Variants in ZMYM4 observed in about 807,000 individuals in gnomAD.
The protein encoded by ZMYM4 is zinc finger MYM-type protein 4.
A neutral mutation model predicts 183.2 loss-of-function variants in ZMYM4; 31 were observed. The observed-to-expected ratio is 0.17, with a 90% CI of 0.13 to 0.23. The LOEUF is 0.23. Ranked by LOEUF, ZMYM4 falls within the 10% of genes least tolerant of loss-of-function variation. The pLI is 1.00. For synonymous variants in ZMYM4, 592 were observed against 631.2 expected (o/e 0.94, Z 0.93); for missense variants, 1,273 against 1,840.3 (o/e 0.69, Z 5.64).
At chr1:35,386,599 T>G (rs976740248) in intron 11 of ZMYM4, among the ~76,000 whole-genome samples, 1 of 152,194 alleles carries the variant, frequency 6.6e-6, no homozygotes, top group Admixed American at 6.5e-5. Flanking sequence ...GGGACACGAA[T>G]TCAAACCTAT....
rs1640254753 is a variant in ZMYM4 at position 35,419,576 on chromosome 1, A to G, written c.4546A>G (p.Thr1516Ala). 3 of 1,613,996 alleles carry G rather than the reference A, an allele frequency of 1.9e-6. No homozygotes were observed. In the East Asian group the frequency reaches 6.7e-5, roughly 36 times the overall value. Residue 1516 changes from threonine (T) to alanine (A), a missense_variant, in exon 30 of 30, where the codon ACC (threonine) becomes GCC (alanine). Thr to Ala is a moderately conservative substitution (Grantham distance 58). Transcript: ENST00000314607. ...CTCCACATTCCCGATAGACCCTGGAACCCTGGACACCATGTTAACACGTAT... is the reference window on the plus strand; with the variant it reads ...CTCCACATTCCCGATAGACCCTGGAGCCCTGGACACCATGTTAACACGTAT... ...WYSTFPIDPG[T>A]LDTMLTRILM...
intron 5 of ZMYM4, among the ~76,000 whole-genome samples, chr1:35,367,329 A>G (rs1021148832): frequency 8.6e-5 from 13 of 151,774 alleles, no homozygotes; most frequent in Non-Finnish European, 1.9e-4. Context: ...CCTGGGTTCA[A>G]GCGATTCTCC....
rs1257334440 is a variant in ZMYM4, at chr1:35,420,079, C to T, written c.*402C>T. 1.1e-5 allele frequency: 3 copies of T among 272,484 alleles called. No individual in the cohort carries two copies. Among genetic ancestry groups the T allele is most frequent in the Admixed American group, 4.7e-5 (1 of 21,278 alleles). 16.9% of individuals were successfully genotyped at this position (272,484 alleles called of 1,614,324 possible). On this transcript the variant is annotated 3_prime_UTR_variant, in exon 30 of 30. Transcript: ENST00000314607. ...GCAATAGGCTACTTTGGCAAGCCCT[C>T]CGTAAAAGTCAGAGGAGAGATCAGT... is the stretch of plus-strand genomic sequence containing the variant.
intron 26 of ZMYM4, among the ~76,000 whole-genome samples, chr1:35,413,290 T>C (rs764749197): frequency 2.6e-5 from 4 of 151,382 alleles, no homozygotes; most frequent in African/African-American, 7.4e-5. Flanking sequence ...AGTGATCCTC[T>C]CACCTTGGCC....
At chr1:35,378,829 T>C (rs1379572118) in intron 7 of ZMYM4, among the ~76,000 whole-genome samples, 1 of 152,234 alleles carries the variant, frequency 6.6e-6, no homozygotes, top group Non-Finnish European at 1.5e-5. Flanking sequence ...TAGATGTTCT[T>C]GATAACTTGC....
At chr1:35,333,138 T>A (rs1284971206) in intron 2 of ZMYM4, among the ~76,000 whole-genome samples, 2 of 152,230 alleles carry the variant, frequency 1.3e-5, no homozygotes, top group Admixed American at 1.3e-4. Context: ...TTAAAAAATA[T>A]TCTAAGCCAT....
chr1:35,331,797 CATAAATAA>C (rs56242648), intron 2 of ZMYM4, among the ~76,000 whole-genome samples: 7,394 of 140,610 alleles, frequency 0.053, 239 homozygotes, highest in South Asian at 0.072. Context: ...CTCAAAAATA[CATAAATAA>C]ATAAATAAAT....
chr1:35,369,924 A>C, intron 5 of ZMYM4, 105 bp from the exon 6 acceptor site: 1 of 699,284 alleles, frequency 1.4e-6, no homozygotes, highest in Non-Finnish European at 2.3e-6. Context: ...TGTTTTAAAC[A>C]TTTTCCACCT....
intron 1 of ZMYM4, among the ~76,000 whole-genome samples, chr1:35,272,374 T>C (rs1001529187): frequency 1.2e-4 from 19 of 152,256 alleles, no homozygotes; most frequent in Non-Finnish European, 2.6e-4. Flanking sequence ...TGTGCTTTGT[T>C]ACTTAGGGTC....
chr1:35,282,252 G>A (rs1180321024), intron 1 of ZMYM4, among the ~76,000 whole-genome samples: 1 of 152,120 alleles, frequency 6.6e-6, no homozygotes, highest in African/African-American at 2.4e-5. Flanking sequence ...TTGGATAGTG[G>A]GGACACTGCC....
rs77228943 is a variant in ZMYM4 at position 35,296,770 on chromosome 1, T to C, written c.39+27685T>C. Reference sequence around the variant, plus strand: ...AGTTTCATTCTGATCCAACCAGATATTCCCATTTGAAGTTTCAAGGTCCCA... The same window carrying C: ...AGTTTCATTCTGATCCAACCAGATACTCCCATTTGAAGTTTCAAGGTCCCA... On this transcript the variant is annotated intron_variant, in intron 1 of 29. Coordinates refer to ENST00000314607, the MANE Select transcript of ZMYM4 (RefSeq NM_005095.3). Among the ~76,000 whole-genome samples the C allele has an allele frequency of 9.9e-5, 15 of 152,276 alleles. No individual in the cohort carries two copies. The East Asian group carries it at 2.7e-3, about 27-fold the overall frequency.
intron 1 of ZMYM4, among the ~76,000 whole-genome samples, chr1:35,281,084 A>AC (rs983568017): frequency 1.3e-4 from 20 of 152,150 alleles, no homozygotes; most frequent in Non-Finnish European, 1.5e-5. Flanking sequence ...GGAGATCGAG[A>AC]CCATCCTGGC....
chr1:35,341,704 A>G (rs1176235468), intron 2 of ZMYM4, among the ~76,000 whole-genome samples: 6 of 151,864 alleles, frequency 4.0e-5, no homozygotes, highest in Admixed American at 2.6e-4. Flanking sequence ...ATATAATTTT[A>G]GTGTTTTGCT....
At chr1:35,297,058 C>T (rs995803794) in intron 1 of ZMYM4, among the ~76,000 whole-genome samples, 2 of 151,998 alleles carry the variant, frequency 1.3e-5, no homozygotes, top group East Asian at 3.9e-4. Context: ...CCATGTTGGT[C>T]AGGCTGGTCT....
chr1:35,312,390 A>G (rs1301008859), intron 1 of ZMYM4, among the ~76,000 whole-genome samples: 1 of 152,148 alleles, frequency 6.6e-6, no homozygotes, highest in African/African-American at 2.4e-5. Flanking sequence ...TTATTTTGAT[A>G]AAATATACAT....
chr1:35,281,124 A>G (rs973415100), intron 1 of ZMYM4, among the ~76,000 whole-genome samples: 16 of 152,068 alleles, frequency 1.1e-4, no homozygotes, highest in African/African-American at 3.9e-4. Flanking sequence ...CTCTACTAAA[A>G]ATACAAAAAA....
chr1:35,308,457 A>G (rs1360981074), intron 1 of ZMYM4, among the ~76,000 whole-genome samples: 2 of 152,166 alleles, frequency 1.3e-5, no homozygotes, highest in Non-Finnish European at 2.9e-5. Context: ...TTTAGGCCCA[A>G]TCTCTCATAA....
intron 25 of ZMYM4, among the ~76,000 whole-genome samples, 185 bp from the exon 26 acceptor site, chr1:35,407,823 A>G (rs1005137025): frequency 6.6e-6 from 1 of 152,218 alleles, no homozygotes; most frequent in Non-Finnish European, 1.5e-5. Flanking sequence ...GTATTGCACC[A>G]TATGCACTGG....
At chr1:35,351,193 T>G in intron 2 of ZMYM4, 5 of 1,358,642 alleles carry the variant, frequency 3.7e-6, no homozygotes, top group Non-Finnish European at 4.2e-6. Flanking sequence ...GGCAATAAAG[T>G]TTTGGGTACC....
Sources: allele counts gnomAD v4.1 joint callset (sites outside exome capture counted in the v4.1 genomes callset), GRCh38; gene constraint gnomAD v4.1.1; transcripts MANE v1.5; gene names NCBI Gene and HGNC (gene_info 2026-07-23, HGNC 2026-07-21).